The following ZNF438 variants were observed in gnomAD, a reference collection of about 807,000 sequenced individuals.
The protein encoded by ZNF438 is zinc finger protein 438.
ZNF438 carries 25 observed loss-of-function variants against 38.0 expected under a neutral mutation model. The ratio of observed to expected loss-of-function variants is 0.66; its 90% CI spans 0.48 to 0.92. The LOEUF (loss-of-function observed/expected upper bound fraction) is 0.92. Among genes scored for constraint, ZNF438 ranks in the 40% least tolerant of loss-of-function variants. ZNF438 has a pLI of 0.00. For missense variants in ZNF438, 1,007 were observed against 999.6 expected (o/e 1.01, Z -0.10); for synonymous variants, 372 against 364.1 (o/e 1.02, Z -0.25).
exon 5 of ZNF438, chr10:30,850,139 T>C: frequency 6.2e-7 from 1 of 1,614,118 alleles, no homozygotes; most frequent in South Asian, 1.1e-5. Flanking sequence ...AAATGTCCCC[T>C]CCTGGCCAGC....
intron 2 of ZNF438, among the ~76,000 whole-genome samples, chr10:30,940,773 G>A (rs1408050378): frequency 6.6e-6 from 1 of 152,206 alleles, no homozygotes; most frequent in East Asian, 1.9e-4. Context: ...CACTATAAGA[G>A]TTGAGGGTGA....
intron 1 of ZNF438, among the ~76,000 whole-genome samples, chr10:30,971,099 A>G (rs559024723): frequency 6.6e-6 from 1 of 152,362 alleles, no homozygotes; most frequent in Admixed American, 6.5e-5. Flanking sequence ...AAATCTTATT[A>G]AAGAATGCTA....
intron 4 of ZNF438, among the ~76,000 whole-genome samples, chr10:30,867,582 A>G (rs2036667902): frequency 1.3e-5 from 2 of 152,230 alleles, no homozygotes; most frequent in Non-Finnish European, 2.9e-5. Flanking sequence ...CTGAAGCTAC[A>G]AAGTCTGAGA....
chr10:30,933,501 C>T (rs182826277), intron 2 of ZNF438, among the ~76,000 whole-genome samples: 35 of 152,258 alleles, frequency 2.3e-4, no homozygotes, highest in African/African-American at 7.7e-4. Flanking sequence ...ACCTGTAATT[C>T]CAGTAACTCA....
upstream of ZNF438, among the ~76,000 whole-genome samples, chr10:31,032,143 G>A (rs950475288): frequency 2.6e-5 from 4 of 152,268 alleles, no homozygotes; most frequent in Non-Finnish European, 4.4e-5. Flanking sequence ...TAGAGGAGGA[G>A]GAGGGGCCGA....
chr10:30,883,329 T>A (rs1026217568), intron 3 of ZNF438, among the ~76,000 whole-genome samples: 4 of 152,124 alleles, frequency 2.6e-5, no homozygotes, highest in African/African-American at 9.7e-5. Flanking sequence ...TGCATTCCTT[T>A]TGGCCCAGAC....
intron 1 of ZNF438, among the ~76,000 whole-genome samples, chr10:30,980,396 G>C (rs2051989553): frequency 6.6e-6 from 1 of 152,210 alleles, no homozygotes; most frequent in South Asian, 2.1e-4. Flanking sequence ...GGCAGTAAGG[G>C]TGAGGAGTGG....
chr10:30,873,269 T>C (rs2037793586), intron 4 of ZNF438, among the ~76,000 whole-genome samples: 1 of 152,186 alleles, frequency 6.6e-6, no homozygotes, highest in African/African-American at 2.4e-5. Context: ...ATTCTATAAA[T>C]TATATTCTCA....
In ZNF438 at chr10:30,879,224, C is replaced by T. The variant is rs1494114; in HGVS notation, c.-31-2159G>A. Among the ~76,000 whole-genome samples, 310 of 152,272 alleles carry T rather than the reference C, an allele frequency of 2.0e-3. 1 individual carries two copies. Among genetic ancestry groups the T allele is most frequent in the African/African-American group, 7.2e-3 (300 of 41,550 alleles). On this transcript the variant is annotated intron_variant, in intron 3 of 5. Coordinates refer to ENST00000413025, the Ensembl canonical transcript of ZNF438. Reference sequence around the variant, plus strand: ...TCCCATTAGCTAGGGTAAAAAAACTCATAATCCACAAAGGAATGGGTAGAG... The same window carrying T: ...TCCCATTAGCTAGGGTAAAAAAACTTATAATCCACAAAGGAATGGGTAGAG...
intron 4 of ZNF438, among the ~76,000 whole-genome samples, chr10:30,859,004 T>C (rs2133084827): frequency 6.6e-6 from 1 of 152,350 alleles, no homozygotes; most frequent in East Asian, 1.9e-4. Flanking sequence ...GCAGATTTTA[T>C]GGGTTAGGTA....
chr10:30,847,659 CT>C (rs2132661222), intron 5 of ZNF438, among the ~76,000 whole-genome samples: 1 of 152,334 alleles, frequency 6.6e-6, no homozygotes, highest in East Asian at 1.9e-4. Context: ...TGGGAGCCCC[CT>C]GAGCCAGGGC....
At chr10:30,945,476 T>C (rs1295304786) in intron 1 of ZNF438, among the ~76,000 whole-genome samples, 1 of 152,012 alleles carries the variant, frequency 6.6e-6, no homozygotes, top group Non-Finnish European at 1.5e-5. Context: ...TACGTATACA[T>C]GTGCCACGCT....
At chr10:30,861,212 T>C (rs1169806495) in intron 4 of ZNF438, among the ~76,000 whole-genome samples, 1 of 152,208 alleles carries the variant, frequency 6.6e-6, no homozygotes, top group Non-Finnish European at 1.5e-5. Context: ...TACCTCCTCC[T>C]GTATACCCCA....
intron 1 of ZNF438, among the ~76,000 whole-genome samples, chr10:30,996,032 A>C (rs1488541494): frequency 6.6e-6 from 1 of 152,198 alleles, no homozygotes; most frequent in African/African-American, 2.4e-5. Context: ...ATAAATCAGA[A>C]GTGAAATTCT....
chr10:30,860,002 A>AT (rs1029971550), intron 4 of ZNF438, among the ~76,000 whole-genome samples: 1 of 151,926 alleles, frequency 6.6e-6, no homozygotes, highest in African/African-American at 2.4e-5. Context: ...CTGGCCCTTC[A>AT]TTTTCCCCCC....
chr10:30,992,614 T>C (rs764674101), intron 1 of ZNF438, among the ~76,000 whole-genome samples: 1 of 152,162 alleles, frequency 6.6e-6, no homozygotes, highest in Non-Finnish European at 1.5e-5. Context: ...GGTTCTGCCA[T>C]GTTGGCCAGG....
At chr10:30,849,517 G>A in exon 5 of ZNF438, 1 of 1,614,254 alleles carries the variant, frequency 6.2e-7, no homozygotes, top group Non-Finnish European at 8.5e-7. Context: ...TTCTTGAGTA[G>A]GGTGGGATTG....
chr10:31,019,479 T>A (rs935729279), intron 1 of ZNF438, among the ~76,000 whole-genome samples: 2 of 152,220 alleles, frequency 1.3e-5, no homozygotes, highest in African/African-American at 2.4e-5. Flanking sequence ...TCAACTTTGA[T>A]GAATTGGACA....
intron 1 of ZNF438, among the ~76,000 whole-genome samples, chr10:31,030,307 T>C (rs2057202448): frequency 1.3e-5 from 2 of 152,160 alleles, no homozygotes; most frequent in African/African-American, 4.8e-5. Flanking sequence ...CTACCTGAAA[T>C]TACATTATGC....
Sources: allele counts gnomAD v4.1 joint callset (sites outside exome capture counted in the v4.1 genomes callset), GRCh38; gene constraint gnomAD v4.1.1; transcripts MANE v1.5; gene names NCBI Gene and HGNC (gene_info 2026-07-23, HGNC 2026-07-21).